RUNX1: variants seen among roughly 807,000 people sequenced by gnomAD.
RUNX1 encodes the protein runt-related transcription factor 1.
Under a neutral mutation model 42.8 loss-of-function variants are expected in RUNX1, and 19 were observed. That is an observed-to-expected ratio of 0.44 (90% confidence interval 0.31 to 0.65). The LOEUF is 0.65. Among genes scored for constraint, RUNX1 ranks in the 30% least tolerant of loss-of-function variants. The pLI, the probability that RUNX1 is intolerant of heterozygous loss-of-function variation, is 0.07. For missense variants in RUNX1, 528 were observed against 672.0 expected, an observed-to-expected ratio of 0.79 and a Z score of 2.37; for synonymous variants, 271 against 289.4, an observed-to-expected ratio of 0.94 and a Z score of 0.64.
chr21:34,865,901 C>T (rs1282862936), intron 5 of RUNX1, among the ~76,000 whole-genome samples: 1 of 152,172 alleles, frequency 6.6e-6, no homozygotes, highest in African/African-American at 2.4e-5. Flanking sequence ...GTGTGAAGAA[C>T]ATATTTAAAA....
At chr21:34,975,871 A>G (rs77827958) in intron 2 of RUNX1, among the ~76,000 whole-genome samples, 4,648 of 152,194 alleles carry the variant, frequency 0.031, 237 homozygotes, top group African/African-American at 0.11. Context: ...TTATTTGTTG[A>G]AGTGAAGAGT....
intron 2 of RUNX1, among the ~76,000 whole-genome samples, chr21:34,918,842 G>T (rs1442618325): frequency 6.6e-6 from 1 of 152,164 alleles, no homozygotes; most frequent in African/African-American, 2.4e-5. Context: ...GCAGATGGAG[G>T]TTGCAGTGAG....
At chr21:34,858,595 TG>T (rs1435929176) in intron 6 of RUNX1, among the ~76,000 whole-genome samples, 2 of 152,196 alleles carry the variant, frequency 1.3e-5, no homozygotes, top group African/African-American at 4.8e-5. Flanking sequence ...TCTTGGCTTT[TG>T]GGGACAGTAG....
intron 2 of RUNX1, among the ~76,000 whole-genome samples, chr21:34,897,316 G>C (rs1271856784): frequency 6.6e-6 from 1 of 152,168 alleles, no homozygotes; most frequent in Non-Finnish European, 1.5e-5. Context: ...GAAAAAGGGG[G>C]TTCCTGCTAA....
intron 3 of RUNX1, chr21:34,889,819 C>CG (rs1210323773): frequency 4.5e-6 from 5 of 1,115,228 alleles, no homozygotes; most frequent in Admixed American, 1.1e-4. Flanking sequence ...TCCCTCCCAG[C>CG]GGAGGCTGCT....
intron 6 of RUNX1, among the ~76,000 whole-genome samples, chr21:34,854,204 G>A (rs2057464919): frequency 6.6e-6 from 1 of 152,064 alleles, no homozygotes. Context: ...TATATAATAG[G>A]TTTGCTATAC....
intron 2 of RUNX1, chr21:35,038,361 T>C: frequency 3.0e-6 from 1 of 337,392 alleles, no homozygotes; most frequent in South Asian, 2.3e-5. Flanking sequence ...GAAAACACGA[T>C]TCCTCCTGGA....
intron 2 of RUNX1, among the ~76,000 whole-genome samples, chr21:34,905,188 T>C (rs1341484730): frequency 1.3e-5 from 2 of 152,232 alleles, no homozygotes; most frequent in Non-Finnish European, 2.9e-5. Context: ...GAGGTCATTA[T>C]TTAACACCGG....
chr21:34,867,993 C>T (rs2057687056), intron 5 of RUNX1, among the ~76,000 whole-genome samples: 1 of 152,160 alleles, frequency 6.6e-6, no homozygotes, highest in Admixed American at 6.5e-5. Context: ...AACACACAGC[C>T]CAAGGCCACA....
intron 3 of RUNX1, chr21:34,888,167 G>A (rs2058025436): frequency 1.9e-6 from 2 of 1,066,526 alleles, no homozygotes; most frequent in Non-Finnish European, 2.3e-6. Context: ...GCAGCAGCGA[G>A]ACGATACTCC....
chr21:34,891,760 G>T (rs1306990975), intron 3 of RUNX1, among the ~76,000 whole-genome samples: 1 of 151,926 alleles, frequency 6.6e-6, no homozygotes, highest in East Asian at 1.9e-4. Context: ...CTACGTGACA[G>T]ATTTTTCCAA....
chr21:34,889,832 C>G lies in RUNX1; in HGVS notation c.98-2736G>C, dbSNP rs998097763. ...GCTCCCTCCCAGCGGAGGCTGCTCC[C>G]GTCACCATGAGTCCCTCCACGCCCT... On this transcript the variant is annotated intron_variant, in intron 3 of 8. Transcript: ENST00000675419. 1.3e-5 allele frequency: 14 copies of G among 1,112,810 alleles called. No individual in the cohort carries two copies. The East Asian group carries it at 1.9e-4, about 15-fold the overall frequency. The allele number at this position is 1,112,810 out of a possible 1,614,324, so 68.9% of individuals were successfully genotyped here.
intron 4 of RUNX1, among the ~76,000 whole-genome samples, chr21:34,886,446 A>T (rs2057988638): frequency 6.6e-6 from 1 of 152,228 alleles, no homozygotes; most frequent in Non-Finnish European, 1.5e-5. Flanking sequence ...TCATCTGAGG[A>T]AGACAAAATG....
chr21:35,041,027 G>A (rs2059355281), intron 2 of RUNX1, among the ~76,000 whole-genome samples: 2 of 152,248 alleles, frequency 1.3e-5, no homozygotes, highest in Admixed American at 1.3e-4. Flanking sequence ...TACCTCCCAA[G>A]GAGAGGAGAT....
intron 2 of RUNX1, among the ~76,000 whole-genome samples, chr21:34,959,269 T>C (rs1409094535): frequency 2.0e-5 from 3 of 152,062 alleles, no homozygotes; most frequent in African/African-American, 7.2e-5. Flanking sequence ...CCAGTGGTAT[T>C]GTTAGGGGAA....
chr21:34,908,691 G>T (rs1211278434), intron 2 of RUNX1, among the ~76,000 whole-genome samples: 1 of 152,150 alleles, frequency 6.6e-6, no homozygotes, highest in Non-Finnish European at 1.5e-5. Flanking sequence ...ACACCCTGCT[G>T]CCCAAGTCCT....
chr21:34,952,381 A>C (rs1027958979), intron 2 of RUNX1, among the ~76,000 whole-genome samples: 1 of 152,126 alleles, frequency 6.6e-6, no homozygotes, highest in African/African-American at 2.4e-5. Flanking sequence ...AAAATATAAT[A>C]ATAATAAAAA....
rs973929881 is a variant in RUNX1 at position 34,791,564 on chromosome 21, A to G, written c.*571T>C. On this transcript the variant is annotated 3_prime_UTR_variant, in exon 9 of 9. Transcript: ENST00000675419. The stretch of plus-strand genomic sequence containing the variant: ...CAAGAAAGAAGCAAGCTCAATTTAT[A>G]TATATTTATATAAACGTATATAAAA... 1.7e-5 allele frequency: 4 copies of G among 229,742 alleles called. No homozygotes were observed. The highest frequency in any genetic ancestry group is 3.5e-5 in the Non-Finnish European group (4 of 115,902). The allele number at this position is 229,742 out of a possible 1,614,324, so 14.2% of individuals were successfully genotyped here.
chr21:34,870,236 C>T (rs2057717911), intron 5 of RUNX1, among the ~76,000 whole-genome samples: 1 of 152,202 alleles, frequency 6.6e-6, no homozygotes, highest in African/African-American at 2.4e-5. Flanking sequence ...ACAGAGTCCC[C>T]ATTGTCTGCC....
Sources: allele counts gnomAD v4.1 joint callset (sites outside exome capture counted in the v4.1 genomes callset), GRCh38; gene constraint gnomAD v4.1.1; transcripts MANE v1.5; gene names NCBI Gene and HGNC (gene_info 2026-07-23, HGNC 2026-07-21).